STK32B: variants seen among roughly 807,000 people sequenced by gnomAD.
The protein encoded by STK32B is serine/threonine kinase 32B, also known as serine/threonine-protein kinase 32B.
A neutral mutation model predicts 52.6 loss-of-function variants in STK32B; 43 were observed. The ratio of observed to expected loss-of-function variants is 0.82; its 90% CI spans 0.64 to 1.05. STK32B has a LOEUF of 1.05. STK32B is among the 50% of genes least tolerant of loss of function. The pLI is 0.00. For synonymous variants in STK32B, 238 were observed against 204.3 expected, an observed-to-expected ratio of 1.17 and a Z score of -1.41; for missense variants, 621 against 534.6, an observed-to-expected ratio of 1.16 and a Z score of -1.59.
In STK32B at chr4:5,467,891, G is replaced by T; in HGVS notation, c.1042-115G>T. ...CAGACACTTAGCTTGGCTTGTCCCGGTCCCAAGCATCTGAGGTTTCCATCT... is the reference window on the plus strand; with the variant it reads ...CAGACACTTAGCTTGGCTTGTCCCGTTCCCAAGCATCTGAGGTTTCCATCT... On this transcript the variant is annotated intron_variant, in intron 10 of 11. Transcript: ENST00000282908. This position sits in a 1 kb window ranked among gnomAD's most constrained non-coding sequence, Gnocchi z 5.8. The T allele has an allele frequency of 1.7e-6, 2 of 1,197,298 alleles. No individual in the cohort carries two copies. Among genetic ancestry groups the T allele is most frequent in the African/African-American group, 3.0e-5 (2 of 67,142 alleles). The allele number at this position is 1,197,298 out of a possible 1,614,324, so 74.2% of individuals were successfully genotyped here.
chr4:5,025,188 T>TC, the STK32B span, among the ~76,000 whole-genome samples: 1 of 151,970 alleles, frequency 6.6e-6, no homozygotes, highest in Non-Finnish European at 1.5e-5. Context: ...TTTCCCTGCC[T>TC]CCCCCTCCGC....
intron 9 of STK32B, among the ~76,000 whole-genome samples, chr4:5,465,452 GA>G (rs1717360926): frequency 6.6e-6 from 1 of 152,088 alleles, no homozygotes; most frequent in Middle Eastern, 3.2e-3. Context: ...GCAGATTAGG[GA>G]GCATGGCCAA....
intron 2 of STK32B, among the ~76,000 whole-genome samples, chr4:5,147,166 A>T (rs932788108): frequency 6.6e-6 from 1 of 151,970 alleles, no homozygotes; most frequent in Admixed American, 6.6e-5. Flanking sequence ...TAGTTGATGA[A>T]GTTTTTTGGG....
intron 5 of STK32B, among the ~76,000 whole-genome samples, chr4:5,402,591 C>T (rs1737372904): frequency 6.6e-6 from 1 of 152,202 alleles, no homozygotes; most frequent in Non-Finnish European, 1.5e-5. Context: ...AACTCATGGT[C>T]TGGGGTGACT....
intron 3 of STK32B, among the ~76,000 whole-genome samples, chr4:5,318,480 A>G (rs916286264): frequency 6.6e-6 from 1 of 152,162 alleles, no homozygotes; most frequent in Non-Finnish European, 1.5e-5. Flanking sequence ...AGAAAAAAAA[A>G]GTTAGGAGCA....
intron 2 of STK32B, among the ~76,000 whole-genome samples, chr4:5,150,993 G>C (rs1371203791): frequency 6.6e-6 from 1 of 152,068 alleles, no homozygotes; most frequent in Admixed American, 6.6e-5. Flanking sequence ...TGAACCTTTT[G>C]TGTTCCTTTA....
chr4:5,124,130 G>C (rs562966328), intron 1 of STK32B, among the ~76,000 whole-genome samples: 1 of 152,152 alleles, frequency 6.6e-6, no homozygotes, highest in African/African-American at 2.4e-5. Flanking sequence ...CTCCCAGTTT[G>C]TTGGCCAGGG....
At chr4:5,296,408 T>C (rs1376693153) in intron 3 of STK32B, among the ~76,000 whole-genome samples, 1 of 152,232 alleles carries the variant, frequency 6.6e-6, no homozygotes, top group Non-Finnish European at 1.5e-5. Context: ...AGTCTCTTCA[T>C]AGGTCTCTAA....
intron 1 of STK32B, among the ~76,000 whole-genome samples, chr4:5,092,775 C>CTT (rs1713164880): frequency 6.6e-6 from 1 of 152,056 alleles, no homozygotes; most frequent in South Asian, 2.1e-4. Flanking sequence ...GGTGCTAAAC[C>CTT]ATTCATGAGA....
intron 3 of STK32B, among the ~76,000 whole-genome samples, chr4:5,209,878 C>T (rs757723288): frequency 5.9e-5 from 9 of 152,168 alleles, no homozygotes; most frequent in Admixed American, 1.3e-4. Context: ...TATGGCCCCC[C>T]AACTGTCTAC....
intron 3 of STK32B, among the ~76,000 whole-genome samples, chr4:5,324,468 T>G (rs1012879298): frequency 1.1e-4 from 16 of 152,172 alleles, no homozygotes; most frequent in African/African-American, 1.9e-4. Context: ...TGCCTCAGTT[T>G]CCGGGGTTAG....
intron 4 of STK32B, among the ~76,000 whole-genome samples, chr4:5,365,148 A>C (rs1032527701): frequency 1.3e-5 from 2 of 152,164 alleles, no homozygotes; most frequent in Admixed American, 1.3e-4. Context: ...AAGTGCTGGG[A>C]TTACAGGCAT....
chr4:5,056,906 A>G (rs895028302), intron 1 of STK32B, among the ~76,000 whole-genome samples: 6 of 152,218 alleles, frequency 3.9e-5, no homozygotes, highest in African/African-American at 9.6e-5. Context: ...GGGTGGGCAG[A>G]TAGAAACAAA....
chr4:5,213,793 G>A (rs1723034261), intron 3 of STK32B, among the ~76,000 whole-genome samples: 1 of 152,100 alleles, frequency 6.6e-6, no homozygotes, highest in Non-Finnish European at 1.5e-5. Context: ...ATTTATATGT[G>A]ATGAATATCT....
intron 3 of STK32B, among the ~76,000 whole-genome samples, chr4:5,279,552 T>C (rs547812381): frequency 1.3e-5 from 2 of 152,142 alleles, no homozygotes; most frequent in African/African-American, 2.4e-5. Flanking sequence ...CTGTCAGTGA[T>C]CAACCATTCT....
intron 1 of STK32B, among the ~76,000 whole-genome samples, chr4:5,068,406 G>C (rs1711550741): frequency 1.3e-5 from 2 of 152,080 alleles, no homozygotes; most frequent in African/African-American, 2.4e-5. Context: ...ACTTCACTTG[G>C]AATAATGGCC....
chr4:5,110,369 C>G (rs1183931863), intron 1 of STK32B, among the ~76,000 whole-genome samples: 1 of 151,452 alleles, frequency 6.6e-6, no homozygotes, highest in Non-Finnish European at 1.5e-5. Context: ...ATTATACTAC[C>G]AGGCCATGGT....
Position 5,114,116 on chromosome 4 carries a change from C to T in STK32B, c.53-25789C>T, listed in dbSNP as rs764316520. 8.5e-5 allele frequency among the ~76,000 whole-genome samples: 13 copies of T among 152,132 alleles called. No individual in the cohort carries two copies. The South Asian group carries it at 1.0e-3, about 12-fold the overall frequency. On this transcript the variant is annotated intron_variant, in intron 1 of 11. Transcript: ENST00000282908. ...GGACACAGCCAAACCATATCACTAC[C>T]TCATCAGCATCATGTCTTCAACCAC...
At chr4:5,252,059 G>A (rs1725971805) in intron 3 of STK32B, among the ~76,000 whole-genome samples, 1 of 152,146 alleles carries the variant, frequency 6.6e-6, no homozygotes, top group South Asian at 2.1e-4. Context: ...CCCCCAACGA[G>A]TCTTTGAAGA....
Sources: allele counts gnomAD v4.1 joint callset (sites outside exome capture counted in the v4.1 genomes callset), GRCh38; gene constraint gnomAD v4.1.1; non-coding constraint Gnocchi (gnomAD v3.1); transcripts MANE v1.5; gene names NCBI Gene and HGNC (gene_info 2026-07-23, HGNC 2026-07-21).